The following LRMDA variants were observed in gnomAD, a reference collection of about 807,000 sequenced individuals.
LRMDA encodes the protein leucine rich melanocyte differentiation associated.
LRMDA carries 18 observed loss-of-function variants against 29.8 expected under a neutral mutation model. The ratio of observed to expected loss-of-function variants is 0.60; its 90% CI spans 0.42 to 0.90. LRMDA has a LOEUF of 0.90. Among genes scored for constraint, LRMDA ranks in the 40% least tolerant of loss-of-function variants. The probability of loss-of-function intolerance (pLI) is 0.00; values close to 1 mark genes in which losing one functional copy is unlikely to be tolerated. For missense variants in LRMDA, 273 were observed against 273.9 expected (o/e 1.00, Z 0.02); for synonymous variants, 125 against 109.4 (o/e 1.14, Z -0.89).
chr10:76,340,319 C>T (rs532885051), intron 6 of LRMDA, among the ~76,000 whole-genome samples: 26 of 152,000 alleles, frequency 1.7e-4, no homozygotes, highest in Middle Eastern at 3.4e-3. Context: ...AGTTTGAGAT[C>T]GGCCTGGCCA....
At chr10:76,442,926 G>A (rs1207712116) in intron 6 of LRMDA, among the ~76,000 whole-genome samples, 1 of 152,080 alleles carries the variant, frequency 6.6e-6, no homozygotes, top group Non-Finnish European at 1.5e-5. Flanking sequence ...TATTTGGATG[G>A]ACATAAGTGA....
At chr10:76,534,661 A>T (rs1843272281) in intron 6 of LRMDA, among the ~76,000 whole-genome samples, 1 of 152,254 alleles carries the variant, frequency 6.6e-6, no homozygotes, top group African/African-American at 2.4e-5. Flanking sequence ...TATAAAAATT[A>T]TGACAGATTA....
intron 2 of LRMDA, among the ~76,000 whole-genome samples, chr10:75,795,496 C>T (rs1178371434): frequency 6.6e-6 from 1 of 152,150 alleles, no homozygotes; most frequent in Non-Finnish European, 1.5e-5. Context: ...TTCAACTACA[C>T]TCCCCCATTC....
rs1309123642 is a variant in LRMDA, at chr10:76,392,708, A to G, written c.601+68223A>G. Among the ~76,000 whole-genome samples, 4 of 152,102 alleles carry G rather than the reference A, an allele frequency of 2.6e-5. No individual in the cohort carries two copies. The East Asian group carries it at 7.7e-4, about 29-fold the overall frequency. On this transcript the variant is annotated intron_variant, in intron 6 of 6. Coordinates refer to ENST00000611255, the MANE Select transcript of LRMDA (RefSeq NM_001305581.2). ...TTTTTGTAGTGAGAATGCTCAAAAT[A>G]TACTCTTAGTAATTTTCAAGAATAC...
chr10:75,644,921 T>A (rs1462969439), intron 2 of LRMDA, among the ~76,000 whole-genome samples: 1 of 151,936 alleles, frequency 6.6e-6, no homozygotes, highest in African/African-American at 2.4e-5. Context: ...GGCCCACTCT[T>A]AGGAGTGGTG....
intron 6 of LRMDA, chr10:76,438,614 C>G (rs929565056): frequency 2.0e-5 from 3 of 152,118 alleles, no homozygotes; most frequent in African/African-American, 7.2e-5. Context: ...TCCTCTTTTC[C>G]CCCGTTTTCT....
At chr10:75,997,797 C>T (rs2057439) in intron 2 of LRMDA, among the ~76,000 whole-genome samples, 31,341 of 152,124 alleles carry the variant, frequency 0.21, 3,773 homozygotes, top group South Asian at 0.4. Flanking sequence ...TTCACAGCCC[C>T]TATTTGACTG....
At chr10:75,806,483 G>A (rs1226937724) in intron 2 of LRMDA, among the ~76,000 whole-genome samples, 1 of 152,074 alleles carries the variant, frequency 6.6e-6, no homozygotes, top group Non-Finnish European at 1.5e-5. Context: ...ATTCTGATAG[G>A]ATTAATGATT....
At chr10:75,725,542 C>A (rs1187479217) in intron 2 of LRMDA, among the ~76,000 whole-genome samples, 2 of 152,188 alleles carry the variant, frequency 1.3e-5, no homozygotes, top group Non-Finnish European at 2.9e-5. Context: ...TTGTGTAAAT[C>A]ACTCTGTGTC....
chr10:75,485,804 C>T (rs1697606182), intron 2 of LRMDA, among the ~76,000 whole-genome samples: 1 of 152,174 alleles, frequency 6.6e-6, no homozygotes, highest in Non-Finnish European at 1.5e-5. Flanking sequence ...TCTCAAACAC[C>T]TGACCTCAAG....
At chr10:75,711,334 GC>G (rs1842433451) in intron 2 of LRMDA, among the ~76,000 whole-genome samples, 1 of 152,022 alleles carries the variant, frequency 6.6e-6, no homozygotes, top group Non-Finnish European at 1.5e-5. Context: ...TTTCTTAGTT[GC>G]AAAAAAGCAG....
At chr10:76,391,924 A>G (rs1841727573) in intron 6 of LRMDA, among the ~76,000 whole-genome samples, 1 of 152,186 alleles carries the variant, frequency 6.6e-6, no homozygotes, top group Admixed American at 6.5e-5. Flanking sequence ...TGGAGACTGT[A>G]TCACCACAGA....
intron 5 of LRMDA, among the ~76,000 whole-genome samples, chr10:76,142,709 A>ATTATT (rs1564664744): frequency 7.3e-6 from 1 of 137,806 alleles, no homozygotes; most frequent in African/African-American, 2.9e-5. Context: ...TTATTATTAT[A>ATTATT]CTTTAAGTTT....
intron 5 of LRMDA, among the ~76,000 whole-genome samples, chr10:76,148,959 C>G (rs1393381334): frequency 6.6e-6 from 1 of 150,790 alleles, no homozygotes; most frequent in Non-Finnish European, 1.5e-5. Flanking sequence ...TTTAACTTTA[C>G]TAGAAAATAC....
At chr10:76,117,983 G>C (rs1849695492) in intron 5 of LRMDA, among the ~76,000 whole-genome samples, 2 of 152,194 alleles carry the variant, frequency 1.3e-5, no homozygotes, top group South Asian at 2.1e-4. Flanking sequence ...TCTTTTCCAA[G>C]ATGTTGACCC....
rs540463901 is a variant in LRMDA, at chr10:75,838,450, G to T, written c.132-197558G>T. Among the ~76,000 whole-genome samples, 9 of 152,198 alleles carry T rather than the reference G, an allele frequency of 5.9e-5. No individual in the cohort carries two copies. In the South Asian group the frequency reaches 1.9e-3, roughly 32 times the overall value. Reference sequence around the variant, plus strand: ...AATCACTTGAAAATAAATTCTGAAAGATTATTTCTTAACATATTTTCATAT... The same window carrying T: ...AATCACTTGAAAATAAATTCTGAAATATTATTTCTTAACATATTTTCATAT... On this transcript the variant is annotated intron_variant, in intron 2 of 6. Transcript: ENST00000611255.
At chr10:75,712,243 C>T (rs963363671) in intron 2 of LRMDA, among the ~76,000 whole-genome samples, 10 of 152,190 alleles carry the variant, frequency 6.6e-5, no homozygotes, top group Admixed American at 2.0e-4. Flanking sequence ...CCTCCCCGCC[C>T]CCCTTGTTTC....
At chr10:75,780,639 G>A (rs1843370195) in intron 2 of LRMDA, among the ~76,000 whole-genome samples, 3 of 152,178 alleles carry the variant, frequency 2.0e-5, no homozygotes, top group Admixed American at 1.3e-4. Context: ...CACCCCAACA[G>A]ACTGGGGATG....
intron 6 of LRMDA, among the ~76,000 whole-genome samples, chr10:76,436,117 C>G (rs1288207962): frequency 6.6e-6 from 1 of 152,138 alleles, no homozygotes; most frequent in Non-Finnish European, 1.5e-5. Flanking sequence ...GAGAGCCCAG[C>G]TCTGTGGTGA....
Sources: allele counts gnomAD v4.1 joint callset (sites outside exome capture counted in the v4.1 genomes callset), GRCh38; gene constraint gnomAD v4.1.1; transcripts MANE v1.5; gene names NCBI Gene and HGNC (gene_info 2026-07-23, HGNC 2026-07-21).